NDST4: variants seen among roughly 807,000 people sequenced by gnomAD.
NDST4 encodes N-deacetylase and N-sulfotransferase 4.
Under a neutral mutation model 100.8 loss-of-function variants are expected in NDST4, and 63 were observed. That is an observed-to-expected ratio of 0.62 (90% CI 0.51 to 0.77). NDST4 has a LOEUF of 0.77. Ranked by LOEUF, NDST4 falls within the 30% of genes least tolerant of loss-of-function variation. The pLI, the probability that NDST4 is intolerant of heterozygous loss-of-function variation, is 0.00. For missense variants in NDST4, 943 were observed against 1,018.4 expected (o/e 0.93, Z 1.01); for synonymous variants, 377 against 361.8 (o/e 1.04, Z -0.48).
intron 2 of NDST4, among the ~76,000 whole-genome samples, chr4:114,981,759 T>C (rs1266893735): frequency 6.6e-6 from 1 of 152,188 alleles, no homozygotes; most frequent in Non-Finnish European, 1.5e-5. Flanking sequence ...ATTAGGTTGT[T>C]ACTCTCAGGC....
At chr4:114,975,166 T>C (rs1427742061) in intron 3 of NDST4, among the ~76,000 whole-genome samples, 1 of 152,108 alleles carries the variant, frequency 6.6e-6, no homozygotes, top group African/African-American at 2.4e-5. Context: ...AGAAGAAACT[T>C]TGATATCCCT....
At chr4:115,024,450 C>A (rs555940782) in intron 2 of NDST4, among the ~76,000 whole-genome samples, 3 of 152,110 alleles carry the variant, frequency 2.0e-5, no homozygotes, top group Admixed American at 1.3e-4. Context: ...ATTTTTTTTC[C>A]CTGTTGGGTT....
At chr4:114,993,642 A>T (rs1727098340) in intron 2 of NDST4, among the ~76,000 whole-genome samples, 1 of 151,978 alleles carries the variant, frequency 6.6e-6, no homozygotes, top group Non-Finnish European at 1.5e-5. Flanking sequence ...TTTAAAAACC[A>T]AATGATGAAG....
chr4:114,881,279 A>C (rs1724361442), intron 6 of NDST4, among the ~76,000 whole-genome samples: 1 of 152,102 alleles, frequency 6.6e-6, no homozygotes, highest in Non-Finnish European at 1.5e-5. Flanking sequence ...ACAATGGGAA[A>C]GGAGAGAAAT....
chr4:114,940,901 G>A (rs1157328877), intron 4 of NDST4, among the ~76,000 whole-genome samples: 5 of 152,148 alleles, frequency 3.3e-5, no homozygotes, highest in Admixed American at 3.3e-4. Flanking sequence ...CTGCTGCTCA[G>A]TTGCTCTCCT....
chr4:114,962,057 T>C (rs562392234), intron 4 of NDST4, among the ~76,000 whole-genome samples: 2 of 152,072 alleles, frequency 1.3e-5, no homozygotes, highest in African/African-American at 4.8e-5. Context: ...TAGAGTAATA[T>C]ACCATATCAA....
At chr4:114,872,308 C>T (rs1041429587) in intron 6 of NDST4, among the ~76,000 whole-genome samples, 1 of 151,726 alleles carries the variant, frequency 6.6e-6, no homozygotes. Context: ...AAGTTAAAAC[C>T]CCACTATAGG....
In NDST4 at chr4:114,908,616, A is replaced by G. The variant is rs888580745; in HGVS notation, c.1536+26590T>C. ...GCAGGGCACTTGGGTGGTTTGAATTATGAATTATATTTGAGTTTTAAACAA... is the reference window on the plus strand; with the variant it reads ...GCAGGGCACTTGGGTGGTTTGAATTGTGAATTATATTTGAGTTTTAAACAA... On this transcript the variant is annotated intron_variant, in intron 6 of 13. Transcript: ENST00000264363. Among the ~76,000 whole-genome samples the G allele has an allele frequency of 3.9e-5, 6 of 152,286 alleles. No individual in the cohort carries two copies. In the South Asian group the frequency reaches 1.2e-3, roughly 32 times the overall value.
chr4:114,846,544 T>C (rs1723553186), intron 9 of NDST4, among the ~76,000 whole-genome samples: 1 of 152,158 alleles, frequency 6.6e-6, no homozygotes, highest in Non-Finnish European at 1.5e-5. Context: ...CACTTTATAG[T>C]CTATCTAGAG....
At chr4:115,083,455 G>A (rs1188750218) in intron 1 of NDST4, among the ~76,000 whole-genome samples, 2 of 152,118 alleles carry the variant, frequency 1.3e-5, no homozygotes, top group African/African-American at 2.4e-5. Flanking sequence ...GGGATACCCT[G>A]TCTGGAAACA....
intron 2 of NDST4, among the ~76,000 whole-genome samples, chr4:115,069,397 CTATT>C (rs1729021581): frequency 6.6e-6 from 1 of 152,028 alleles, no homozygotes; most frequent in Non-Finnish European, 1.5e-5. Flanking sequence ...CTTTTGCAAA[CTATT>C]TATCTGACAA....
chr4:114,845,581 T>C (rs1723530232), intron 10 of NDST4, among the ~76,000 whole-genome samples: 2 of 152,218 alleles, frequency 1.3e-5, no homozygotes, highest in South Asian at 4.1e-4. Context: ...GCTTAGGAAA[T>C]CTATTAATTC....
chr4:115,014,606 C>T (rs1218300117), intron 2 of NDST4, among the ~76,000 whole-genome samples: 1 of 151,946 alleles, frequency 6.6e-6, no homozygotes, highest in Non-Finnish European at 1.5e-5. Flanking sequence ...TGCAGTAAGT[C>T]CAGGCTACTG....
chr4:115,017,775 A>G (rs941763802), intron 2 of NDST4, among the ~76,000 whole-genome samples: 7 of 152,036 alleles, frequency 4.6e-5, no homozygotes, highest in Non-Finnish European at 1.0e-4. Flanking sequence ...GTCATCCAGA[A>G]GAGTGAATTT....
At chr4:114,883,453 T>C (rs1724413931) in intron 6 of NDST4, among the ~76,000 whole-genome samples, 1 of 151,952 alleles carries the variant, frequency 6.6e-6, no homozygotes, top group South Asian at 2.1e-4. Flanking sequence ...GTTAAAAGAA[T>C]ATATAATTGA....
At chr4:114,954,734 T>C (rs1246762656) in intron 4 of NDST4, among the ~76,000 whole-genome samples, 3 of 152,186 alleles carry the variant, frequency 2.0e-5, no homozygotes, top group South Asian at 2.1e-4. Flanking sequence ...CCAAATTGCA[T>C]GTTGAATTGT....
At chr4:114,929,466 A>C (rs1725467606) in intron 6 of NDST4, among the ~76,000 whole-genome samples, 1 of 152,036 alleles carries the variant, frequency 6.6e-6, no homozygotes, top group African/African-American at 2.4e-5. Context: ...GACCCTCTTG[A>C]CCATCTACTC....
At chr4:115,100,875 A>T (rs1169131882) in intron 1 of NDST4, among the ~76,000 whole-genome samples, 1 of 150,256 alleles carries the variant, frequency 6.7e-6, no homozygotes, top group East Asian at 2.0e-4. Context: ...AATTAACCTC[A>T]CATTCAGAAA....
intron 2 of NDST4, among the ~76,000 whole-genome samples, chr4:114,991,361 A>G (rs1727036131): frequency 6.6e-6 from 1 of 152,136 alleles, no homozygotes; most frequent in East Asian, 1.9e-4. Flanking sequence ...CCTCTTTTGC[A>G]TGACGAATGA....
Sources: gnomAD v4.1 joint callset for allele counts (sites outside exome capture counted in the v4.1 genomes callset) on GRCh38, gnomAD v4.1.1 for gene constraint, MANE v1.5 for transcripts, NCBI Gene and HGNC (gene_info 2026-07-23, HGNC 2026-07-21) for gene names.